The following QTGAL variants were observed in gnomAD, a reference collection of about 807,000 sequenced individuals.
QTGAL encodes BGnT-like protein 1.
chr17:82,977,315 G>A, the QTGAL span, among the ~76,000 whole-genome samples: 3 of 152,134 alleles, frequency 2.0e-5, no homozygotes, highest in Admixed American at 1.3e-4. Context: ...CTTTAAAACG[G>A]CTTGAGGATG....
the QTGAL span, among the ~76,000 whole-genome samples, chr17:82,954,431 AG>A: frequency 5.3e-5 from 8 of 152,156 alleles, no homozygotes; most frequent in Non-Finnish European, 1.0e-4. Context: ...TACAACTTAT[AG>A]GGGATGTGAA....
the QTGAL span, among the ~76,000 whole-genome samples, chr17:82,976,986 G>A: frequency 6.6e-6 from 1 of 151,636 alleles, no homozygotes; most frequent in African/African-American, 2.4e-5. Flanking sequence ...CCCAGGGGCC[G>A]GAGGCCACCG....
the QTGAL span, among the ~76,000 whole-genome samples, chr17:82,958,809 G>GTA: frequency 7.8e-6 from 1 of 128,970 alleles, no homozygotes; most frequent in Admixed American, 7.4e-5. Flanking sequence ...GTGTGTGTGT[G>GTA]TATACTGTGT....
At chr17:82,960,822 G>A in the QTGAL span, among the ~76,000 whole-genome samples, 6 of 152,360 alleles carry the variant, frequency 3.9e-5, no homozygotes, top group East Asian at 9.6e-4. Flanking sequence ...AGGGAAGGAC[G>A]TTCGGCCTTC....
the QTGAL span, chr17:82,965,888 T>G: frequency 1.2e-6 from 1 of 862,436 alleles, no homozygotes; most frequent in Non-Finnish European, 1.8e-6. Context: ...CTCAAGAGAC[T>G]TCACCACGGG....
the QTGAL span, among the ~76,000 whole-genome samples, chr17:82,974,476 C>T: frequency 2.0e-5 from 3 of 152,222 alleles, no homozygotes; most frequent in South Asian, 2.1e-4. Context: ...GGAGTCAGGG[C>T]GGACTTGGTG....
chr17:83,049,410 TG>T, the QTGAL span, among the ~76,000 whole-genome samples: 5 of 147,950 alleles, frequency 3.4e-5, no homozygotes, highest in Admixed American at 3.4e-4. Context: ...AATAACTGGT[TG>T]GTTTTTTTTT....
At chr17:82,984,329 CGTGAGCACACGGGGAG>C in the QTGAL span, among the ~76,000 whole-genome samples, 1 of 76,220 alleles carries the variant, frequency 1.3e-5, no homozygotes, top group African/African-American at 4.7e-5. Flanking sequence ...GGAGAGGCCA[CGTGAGCACACGGGGAG>C]AGGCCACAGA....
the QTGAL span, among the ~76,000 whole-genome samples, chr17:83,044,706 G>T: frequency 1.3e-5 from 2 of 152,248 alleles, no homozygotes; most frequent in African/African-American, 4.8e-5. Context: ...CATTTTGGGA[G>T]GCCAAGGCAG....
the QTGAL span, chr17:82,946,064 G>A: frequency 7.9e-5 from 12 of 152,202 alleles, no homozygotes; most frequent in African/African-American, 2.7e-4. Flanking sequence ...AGATAATTCA[G>A]TTATCAGCTT....
At chr17:82,999,349 G>A in the QTGAL span, among the ~76,000 whole-genome samples, 1 of 152,172 alleles carries the variant, frequency 6.6e-6, no homozygotes, top group African/African-American at 2.4e-5. Context: ...CAAGGAACTG[G>A]AACAACTCAA....
the QTGAL span, chr17:83,035,129 T>C: frequency 5.1e-6 from 8 of 1,580,464 alleles, no homozygotes; most frequent in Non-Finnish European, 6.9e-6. Flanking sequence ...AAAACTCTTT[T>C]ATAATTCAGT....
chr17:82,974,840 G>A, the QTGAL span, among the ~76,000 whole-genome samples: 1 of 152,230 alleles, frequency 6.6e-6, no homozygotes, highest in Non-Finnish European at 1.5e-5. Context: ...GGCACAGGTG[G>A]AAGCAGGCAA....
chr17:83,017,001 A>T, the QTGAL span, among the ~76,000 whole-genome samples: 4 of 152,308 alleles, frequency 2.6e-5, no homozygotes, highest in African/African-American at 9.6e-5. Flanking sequence ...AGTCTCTTGC[A>T]CCTTCTAGAA....
the QTGAL span, among the ~76,000 whole-genome samples, chr17:82,984,347 G>C: frequency 6.7e-6 from 1 of 149,426 alleles, no homozygotes; most frequent in Non-Finnish European, 1.5e-5. Flanking sequence ...CACGGGGAGA[G>C]GCCACAGAAG....
chr17:83,036,334 A>G, the QTGAL span, among the ~76,000 whole-genome samples: 1 of 152,156 alleles, frequency 6.6e-6, no homozygotes, highest in Non-Finnish European at 1.5e-5. Flanking sequence ...GTGCTGTGAG[A>G]AACTAGGAAA....
the QTGAL span, among the ~76,000 whole-genome samples, chr17:82,964,028 C>CGGGG: frequency 1.1e-3 from 151 of 139,658 alleles, 1 homozygote; most frequent in African/African-American, 3.8e-3. Flanking sequence ...AGGCTGAGGT[C>CGGGG]GGGGGGGTGG....
chr17:82,984,829 C>T, the QTGAL span, among the ~76,000 whole-genome samples: 2 of 152,190 alleles, frequency 1.3e-5, no homozygotes, highest in African/African-American at 4.8e-5. Context: ...CACTGTCTGC[C>T]TTCCCTTCTT....
At chr17:82,942,546 C>T in the QTGAL span, 8 of 1,589,108 alleles carry the variant, frequency 5.0e-6, no homozygotes, top group Non-Finnish European at 6.9e-6. Context: ...AAGCCTCGCA[C>T]AGTGGTGCCT....
Sources: allele counts gnomAD v4.1 joint callset (sites outside exome capture counted in the v4.1 genomes callset), GRCh38; gene constraint gnomAD v4.1.1; transcripts MANE v1.5; gene names NCBI Gene and HGNC (gene_info 2026-07-23, HGNC 2026-07-21).